RIC1: variants seen among roughly 807,000 people sequenced by gnomAD.
The protein encoded by RIC1 is guanine nucleotide exchange factor subunit RIC1.
In RIC1, 88 loss-of-function variants were observed where a neutral mutation model predicts 169.0. The observed-to-expected ratio is 0.52, with a 90% CI of 0.44 to 0.62. RIC1 has a LOEUF of 0.62. RIC1 is among the 20% of genes least tolerant of loss of function. The probability of loss-of-function intolerance (pLI) is 0.00; values close to 1 mark genes in which losing one functional copy is unlikely to be tolerated. For missense variants in RIC1, 1,877 were observed against 1,725.5 expected, an observed-to-expected ratio of 1.09 and a Z score of -1.56; for synonymous variants, 790 against 601.5, an observed-to-expected ratio of 1.31 and a Z score of -4.59.
rs1285414805 is a variant in RIC1, at chr9:5,776,294, A to AATTTTTAAAAACCC, written c.*2056_*2069dup. On this transcript the variant is annotated 3_prime_UTR_variant, in exon 26 of 26. Coordinates refer to ENST00000414202, the MANE Select transcript of RIC1 (RefSeq NM_020829.4). Reference sequence around the variant, plus strand: ...TGGTAATTTATTTGTTATATACCTTAATTTTTAAAAACCCATTTTTATTGT... The same window carrying AATTTTTAAAAACCC: ...TGGTAATTTATTTGTTATATACCTTAATTTTTAAAAACCCATTTTTAAAAACCCATTTTTATTGT... 6 of 152,156 alleles carry AATTTTTAAAAACCC rather than the reference A, an allele frequency of 3.9e-5. No homozygotes were observed. The highest frequency in any genetic ancestry group is 1.4e-4 in the African/African-American group (6 of 41,456). The allele number at this position is 152,156 out of a possible 1,614,324, so 9.4% of individuals were successfully genotyped here. A position where few individuals can be genotyped will look rare whatever the true frequency, so the allele number is the denominator to read the frequency against.
intron 3 of RIC1, 57 bp from the exon 4 acceptor site, chr9:5,713,839 G>C (rs1479538337): frequency 2.7e-6 from 3 of 1,122,150 alleles, no homozygotes; most frequent in Non-Finnish European, 4.0e-6. Flanking sequence ...ATGTGTATTA[G>C]CCACAGAATG....
At chr9:5,705,006 A>G (rs1033758942) in intron 3 of RIC1, among the ~76,000 whole-genome samples, 1 of 152,072 alleles carries the variant, frequency 6.6e-6, no homozygotes, top group Non-Finnish European at 1.5e-5. Flanking sequence ...TCTTAATTCC[A>G]TTCCATTGAT....
At chr9:5,727,944 G>C (rs1334695189) in intron 6 of RIC1, among the ~76,000 whole-genome samples, 2 of 152,202 alleles carry the variant, frequency 1.3e-5, no homozygotes, top group Non-Finnish European at 2.9e-5. Flanking sequence ...TGAGGTGTCA[G>C]TTGGCCCCTA....
At chr9:5,703,394 T>C (rs7047997) in intron 3 of RIC1, among the ~76,000 whole-genome samples, 31,541 of 152,086 alleles carry the variant, frequency 0.21, 3,402 homozygotes, top group African/African-American at 0.26. Flanking sequence ...TTACAGTGTT[T>C]TGTACAACTA....
At chr9:5,637,405 A>G (rs1012006695) in intron 1 of RIC1, among the ~76,000 whole-genome samples, 1 of 152,190 alleles carries the variant, frequency 6.6e-6, no homozygotes, top group African/African-American at 2.4e-5. Context: ...ATTTGTAACA[A>G]TCAGTTCATG....
intron 3 of RIC1, among the ~76,000 whole-genome samples, chr9:5,700,684 G>C (rs1440518202): frequency 6.6e-6 from 1 of 151,818 alleles, no homozygotes; most frequent in Non-Finnish European, 1.5e-5. Flanking sequence ...AGGTATTTTT[G>C]CCAAAGCATG....
At chr9:5,705,064 G>T (rs1822485694) in intron 3 of RIC1, among the ~76,000 whole-genome samples, 1 of 152,052 alleles carries the variant, frequency 6.6e-6, no homozygotes, top group Non-Finnish European at 1.5e-5. Flanking sequence ...GGTTACTGTA[G>T]CTTTGCAGTA....
intron 4 of RIC1, among the ~76,000 whole-genome samples, chr9:5,719,761 T>C (rs907646301): frequency 1.3e-5 from 2 of 152,236 alleles, no homozygotes; most frequent in Non-Finnish European, 2.9e-5. Context: ...AACATTTCCA[T>C]CATTATTCAA....
At chr9:5,765,899 C>G (rs754380131) in intron 21 of RIC1, 101 bp downstream of exon 21, 89 of 1,390,234 alleles carry the variant, frequency 6.4e-5, no homozygotes, top group Non-Finnish European at 8.1e-5. Context: ...ACTATTTAAT[C>G]CAATTGCAGT....
intron 17 of RIC1, among the ~76,000 whole-genome samples, chr9:5,761,277 C>T (rs980214614): frequency 1.3e-5 from 2 of 151,846 alleles, no homozygotes; most frequent in Non-Finnish European, 2.9e-5. Context: ...CCACGCCCGG[C>T]TTATTTTTGT....
rs1019579066 is a variant in RIC1 at position 5,746,225 on chromosome 9, A to G, written c.1248+142A>G. On this transcript the variant is annotated intron_variant, in intron 11 of 25. Transcript: ENST00000414202. The stretch of plus-strand genomic sequence containing the variant: ...TGATTCTTGTGTTTCTTTTTAATTT[A>G]TATTAAATTTATACCAAAATTTTAT... The G allele has an allele frequency of 9.6e-6, 5 of 519,440 alleles. No individual in the cohort carries two copies. In the African/African-American group the frequency reaches 9.8e-5, roughly 10 times the overall value. 32.2% of individuals were successfully genotyped at this position (519,440 alleles called of 1,614,324 possible). A position where few individuals can be genotyped will look rare whatever the true frequency, so the allele number is the denominator to read the frequency against.
At position 5,641,760 on chromosome 9, in the gene RIC1, G is replaced by T. The variant is rs190443744; in HGVS notation, c.144+12307G>T. On this transcript the variant is annotated intron_variant, in intron 1 of 25. Transcript: ENST00000414202. The stretch of plus-strand genomic sequence containing the variant: ...TGCATTTTTCAACTTTAGAATTGCT[G>T]CTTGATTTTTAAAAATTTAAATTTC... 6.2e-4 allele frequency among the ~76,000 whole-genome samples: 89 copies of T among 143,174 alleles called. 21 individuals are homozygous for T. Among genetic ancestry groups the T allele is most frequent in the African/African-American group, 2.4e-3 (84 of 34,472 alleles). 93.9% of individuals were successfully genotyped at this position (143,174 alleles called of 152,430 possible). A position where few individuals can be genotyped will look rare whatever the true frequency, so the allele number is the denominator to read the frequency against.
intron 7 of RIC1, among the ~76,000 whole-genome samples, chr9:5,733,300 G>A (rs867014321): frequency 1.4e-5 from 2 of 140,284 alleles, no homozygotes; most frequent in African/African-American, 5.4e-5. Context: ...GTCTCGCTCT[G>A]TTGCCCAGGC....
intron 7 of RIC1, 40 bp downstream of exon 7, chr9:5,732,519 G>A: frequency 7.3e-7 from 1 of 1,374,492 alleles, no homozygotes; most frequent in Non-Finnish European, 1.0e-6. Flanking sequence ...AAGAGTTGTT[G>A]CAAAAAATAC....
intron 1 of RIC1, among the ~76,000 whole-genome samples, chr9:5,630,099 A>G (rs1817646409): frequency 6.6e-6 from 1 of 152,210 alleles, no homozygotes; most frequent in Non-Finnish European, 1.5e-5. Flanking sequence ...AGTAGAACTC[A>G]AATCTGTCCG....
chr9:5,694,975 A>G, intron 3 of RIC1, among the ~76,000 whole-genome samples: 1 of 152,232 alleles, frequency 6.6e-6, no homozygotes, highest in South Asian at 2.1e-4. Flanking sequence ...AACAAAACAA[A>G]AAGCCCTGCT....
intron 12 of RIC1, chr9:5,748,699 C>T (rs955234323): frequency 6.6e-6 from 1 of 152,558 alleles, no homozygotes; most frequent in Non-Finnish European, 1.5e-5. Context: ...CCAAGTAGAG[C>T]AGAGGATCAA....
intron 11 of RIC1, among the ~76,000 whole-genome samples, chr9:5,746,511 C>T (rs931045778): frequency 2.0e-5 from 3 of 151,964 alleles, no homozygotes; most frequent in African/African-American, 7.3e-5. Context: ...TGTAGGGCTC[C>T]AGAGGCTTAA....
At chr9:5,711,261 T>G (rs1191587910) in intron 3 of RIC1, among the ~76,000 whole-genome samples, 1 of 152,106 alleles carries the variant, frequency 6.6e-6, no homozygotes, top group Non-Finnish European at 1.5e-5. Context: ...AGTGTACTTA[T>G]CTCCCAGATT....
Sources: allele counts gnomAD v4.1 joint callset (sites outside exome capture counted in the v4.1 genomes callset), GRCh38; gene constraint gnomAD v4.1.1; transcripts MANE v1.5; gene names NCBI Gene and HGNC (gene_info 2026-07-23, HGNC 2026-07-21).